NLRP1: variants seen among roughly 807,000 people sequenced by gnomAD.
NLRP1 encodes the protein NACHT, LRR and PYD domains-containing protein 1.
Under a neutral mutation model 136.7 loss-of-function variants are expected in NLRP1, and 94 were observed. That is an observed-to-expected ratio of 0.69 (90% CI 0.58 to 0.82). The LOEUF (loss-of-function observed/expected upper bound fraction) is 0.82. Among genes scored for constraint, NLRP1 ranks in the 40% least tolerant of loss-of-function variants. NLRP1 has a pLI of 0.00. For missense variants in NLRP1, 1,575 were observed against 1,802.7 expected (o/e 0.87, Z 2.29); for synonymous variants, 690 against 725.1 (o/e 0.95, Z 0.78).
rs1162526593 is a variant in NLRP1, at chr17:5,533,382, T to G, written c.3055A>C (p.Arg1019=). 8.9e-7 allele frequency: 1 copy of G among 1,129,480 alleles called. No individual in the cohort carries two copies. Among genetic ancestry groups the G allele is most frequent in the Admixed American group, 2.0e-5 (1 of 50,432 alleles). 70.0% of individuals were successfully genotyped at this position (1,129,480 alleles called of 1,614,324 possible). ...SLKRQRLGSE[R]AASHVAQANL... Reference sequence around the variant, plus strand: ...GCCTGAGCAACATGGGAAGCCGCCCTCTCTACAGAAAAAAGAAAAATATCA... The same window carrying G: ...GCCTGAGCAACATGGGAAGCCGCCCGCTCTACAGAAAAAAGAAAAATATCA... The change falls in exon 10 of 17, where the codon AGG becomes CGG. Residue 1019 remains arginine (R), a splice_region_variant and synonymous_variant. Transcript: ENST00000572272.
At position 5,539,605 on chromosome 17, in the gene NLRP1, C is replaced by G; in HGVS notation, c.2700-20G>C. On this transcript the variant is annotated intron_variant, in intron 6 of 16. Transcript: ENST00000572272. Reference sequence around the variant, plus strand: ...ACCAGCCTGCAGGAAAGATACACGCCAGCCCAGGTCATTGTCCTAAGGGCT... The same window carrying G: ...ACCAGCCTGCAGGAAAGATACACGCGAGCCCAGGTCATTGTCCTAAGGGCT... 6.3e-7 allele frequency: 1 copy of G among 1,586,342 alleles called. No homozygotes were observed. The highest frequency in any genetic ancestry group is 8.6e-7 in the Non-Finnish European group (1 of 1,167,176).
intron 3 of NLRP1, among the ~76,000 whole-genome samples, chr17:5,561,567 C>T (rs1914757931): frequency 9.9e-6 from 1 of 101,390 alleles, no homozygotes; most frequent in Admixed American, 1.0e-4. Flanking sequence ...CCTCAGCCTC[C>T]CGAGTAGCTG....
intron 15 of NLRP1, among the ~76,000 whole-genome samples, chr17:5,506,592 T>C (rs943731024): frequency 6.6e-6 from 1 of 151,906 alleles, no homozygotes; most frequent in Non-Finnish European, 1.5e-5. Flanking sequence ...TTTCCAACAT[T>C]AAAAGGAAGG....
Position 5,541,580 on chromosome 17 carries a change from G to A in NLRP1, c.2699+277C>T, listed in dbSNP as rs1038823054. 1.3e-5 allele frequency among the ~76,000 whole-genome samples: 2 copies of A among 152,196 alleles called. No homozygotes were observed. The highest frequency in any genetic ancestry group is 2.1e-4 in the South Asian group (1 of 4,828). On this transcript the variant is annotated intron_variant, in intron 6 of 16. Transcript: ENST00000572272. The surrounding 1 kb of genome is among the most constrained non-coding windows in gnomAD (Gnocchi z 4.2). ...TTATCATCATCCTCTGTGGTAGTCTGTGAAAATGGCCACAAATTCTGCCCC... is the reference window on the plus strand; with the variant it reads ...TTATCATCATCCTCTGTGGTAGTCTATGAAAATGGCCACAAATTCTGCCCC...
chr17:5,564,371 G>A (rs1233855941), intron 3 of NLRP1, among the ~76,000 whole-genome samples: 1 of 151,898 alleles, frequency 6.6e-6, no homozygotes, highest in African/African-American at 2.4e-5. Context: ...CTCAGCTTCT[G>A]GTAACCATCC....
At position 5,514,958 on chromosome 17, in the gene NLRP1, C is replaced by T. The variant is rs1285688357; in HGVS notation, c.4218G>A (p.Gln1406=). ...TCTCGTACTGCTCCTGGCTCAGCAC[C>T]TGTCCATGCAGTTTGTCCAAGACAA... is the stretch of plus-strand genomic sequence containing the variant. ...VEVVLDKLHG[Q]VLSQEQYERV... Residue 1406 remains glutamine (Q), a synonymous_variant, in exon 17 of 17, where the codon CAG becomes CAA. Coordinates refer to ENST00000572272, the MANE Select transcript of NLRP1 (RefSeq NM_033004.4). 6.2e-7 allele frequency: 1 copy of T among 1,614,222 alleles called. No individual in the cohort carries two copies. Among genetic ancestry groups the T allele is most frequent in the Non-Finnish European group, 8.5e-7 (1 of 1,180,024 alleles).
chr17:5,556,420 C>A (rs1914084483), intron 4 of NLRP1, among the ~76,000 whole-genome samples: 1 of 150,414 alleles, frequency 6.6e-6, no homozygotes, highest in African/African-American at 2.4e-5. Flanking sequence ...CACCACTGCA[C>A]TCCAGCCTAG....
In NLRP1 at chr17:5,533,337, C is replaced by G. The variant is rs199590252; in HGVS notation, c.3100G>C (p.Val1034Leu). The change falls in exon 10 of 17, where the codon GTG (valine) becomes CTG (leucine). Residue 1034 changes from valine to leucine, a missense_variant. Physicochemically the swap from Val to Leu is conservative, Grantham distance 32. Coordinates refer to ENST00000572272, the MANE Select transcript of NLRP1 (RefSeq NM_033004.4). ...VAQANLKLLDVSKIFPIAEIA... is the reference protein window; with the variant it reads ...VAQANLKLLDLSKIFPIAEIA... ...TCAGCAATTGGGAAGATCTTGCTCACGTCCAGGAGTTTGAGATTAGCCTGA... is the reference window on the plus strand; with the variant it reads ...TCAGCAATTGGGAAGATCTTGCTCAGGTCCAGGAGTTTGAGATTAGCCTGA... 3 of 1,493,284 alleles carry G rather than the reference C, an allele frequency of 2.0e-6. No individual in the cohort carries two copies. The allele number at this position is 1,493,284 out of a possible 1,614,324, so 92.5% of individuals were successfully genotyped here.
chr17:5,582,706 T>A lies in NLRP1; in HGVS notation c.412A>T (p.Arg138Ter). The A allele has an allele frequency of 6.2e-7, 1 of 1,614,116 alleles. No homozygotes were observed. Among genetic ancestry groups the A allele is most frequent in the Non-Finnish European group, 8.5e-7 (1 of 1,180,010 alleles). Reference protein sequence around the residue: ...CTQGSERRVLRQLPDTSGRRW... With the variant: ...CTQGSERRVL ...CGTCCAGATGTGTCAGGCAGCTGTC[T>A]CAAAACCCTTCTCTCTGAGCCCTGG... The change falls in exon 2 of 17, where the codon AGA (arginine) becomes TGA (stop). Residue 138 changes from arginine to a stop codon, truncating the protein, a stop_gained. Transcript: ENST00000572272. LOFTEE classifies it high-confidence loss of function.
At chr17:5,506,902 CAAAAAAAAAAAAA>C (rs199684717) in intron 15 of NLRP1, among the ~76,000 whole-genome samples, 8,129 of 89,108 alleles carry the variant, frequency 0.091, 441 homozygotes, top group African/African-American at 0.18. Context: ...AACTCCATCT[CAAAAAAAAAAAAA>C]AAAAAAAAAA....
At chr17:5,536,440 C>T (rs61108215) in intron 8 of NLRP1, among the ~76,000 whole-genome samples, 13,254 of 146,718 alleles carry the variant, frequency 0.09, 643 homozygotes, top group African/African-American at 0.1. Context: ...AGCCACCATG[C>T]CCGGCTTTTT....
intron 7 of NLRP1, among the ~76,000 whole-genome samples, chr17:5,538,076 A>C (rs1911317663): frequency 6.6e-6 from 1 of 152,198 alleles, no homozygotes; most frequent in African/African-American, 2.4e-5. Context: ...GGCTGAGGAA[A>C]GCCCGAGGCC....
At chr17:5,545,443 T>C in intron 5 of NLRP1, among the ~76,000 whole-genome samples, 1 of 127,560 alleles carries the variant, frequency 7.8e-6, no homozygotes, top group African/African-American at 3.1e-5. Flanking sequence ...GACACACACT[T>C]TGACACACAG....
chr17:5,567,685 T>G (rs1269360570), intron 3 of NLRP1, among the ~76,000 whole-genome samples: 3 of 152,162 alleles, frequency 2.0e-5, no homozygotes, highest in Non-Finnish European at 2.9e-5. Context: ...AGGTGATGAT[T>G]GCTCATTAAT....
chr17:5,547,425 A>G (rs574426258), intron 5 of NLRP1, among the ~76,000 whole-genome samples: 1 of 152,352 alleles, frequency 6.6e-6, no homozygotes, highest in East Asian at 1.9e-4. Flanking sequence ...TGTAACCGTT[A>G]GAGGCAAGAT....
intron 14 of NLRP1, 83 bp from the exon 15 acceptor site, chr17:5,517,970 T>A: frequency 1.4e-6 from 2 of 1,398,154 alleles, no homozygotes; most frequent in Non-Finnish European, 2.0e-6. Context: ...TTGGCCCTGC[T>A]TGGCTCCATA....
At chr17:5,558,290 C>T (rs1914324915) in intron 4 of NLRP1, 49 bp downstream of exon 4, 3 of 1,547,886 alleles carry the variant, frequency 1.9e-6, no homozygotes, top group East Asian at 4.5e-5. Flanking sequence ...GTCACTCGGG[C>T]TTATGGACTG....
chr17:5,569,273 G>A (rs949577751), intron 3 of NLRP1, among the ~76,000 whole-genome samples: 5 of 152,026 alleles, frequency 3.3e-5, no homozygotes, highest in Admixed American at 6.6e-5. Flanking sequence ...CACACATATC[G>A]ATATTAATCC....
intron 5 of NLRP1, 24 bp from the exon 6 acceptor site, chr17:5,542,051 T>C: frequency 2.5e-6 from 4 of 1,605,370 alleles, no homozygotes; most frequent in Non-Finnish European, 3.4e-6. Context: ...ACACCCATGG[T>C]CTTCAGGTTA....
Sources: gnomAD v4.1 joint callset for allele counts (sites outside exome capture counted in the v4.1 genomes callset) on GRCh38, gnomAD v4.1.1 for gene constraint, Gnocchi (gnomAD v3.1) non-coding constraint, MANE v1.5 for transcripts, NCBI Gene and HGNC (gene_info 2026-07-23, HGNC 2026-07-21) for gene names.